The following WDR41 variants were observed in gnomAD, a reference collection of about 807,000 sequenced individuals.
The protein encoded by WDR41 is WD repeat domain 41.
In WDR41, 63 loss-of-function variants were observed where a neutral mutation model predicts 69.3. The ratio of observed to expected loss-of-function variants is 0.91; its 90% CI spans 0.74 to 1.12. WDR41 has a LOEUF of 1.12. WDR41 is among the 50% of genes most tolerant of loss of function. The probability of loss-of-function intolerance (pLI) is 0.00; values close to 1 mark genes in which losing one functional copy is unlikely to be tolerated. For synonymous variants in WDR41, 185 were observed against 192.1 expected, an observed-to-expected ratio of 0.96 and a Z score of 0.31; for missense variants, 543 against 534.5, an observed-to-expected ratio of 1.02 and a Z score of -0.16.
intron 1 of WDR41, among the ~76,000 whole-genome samples, chr5:77,537,956 A>G (rs1403588684): frequency 1.3e-5 from 2 of 152,146 alleles, no homozygotes; most frequent in Non-Finnish European, 2.9e-5. Context: ...GGTTTTATAT[A>G]AACATATGGG....
chr5:77,619,855 G>A (rs879883960), intron 1 of WDR41, among the ~76,000 whole-genome samples: 2 of 152,130 alleles, frequency 1.3e-5, no homozygotes, highest in Admixed American at 6.5e-5. Flanking sequence ...AATGCCAAAA[G>A]GTGCCTCTGT....
chr5:77,459,134 T>C lies in WDR41; in HGVS notation c.349-10A>G, dbSNP rs761904507. 6.4e-7 allele frequency: 1 copy of C among 1,568,776 alleles called. No individual in the cohort carries two copies. Among genetic ancestry groups the C allele is most frequent in the Non-Finnish European group, 8.7e-7 (1 of 1,146,788 alleles). On this transcript the variant is annotated splice_polypyrimidine_tract_variant and intron_variant, in intron 4 of 12. Transcript: ENST00000296679. ...TATCACCATCCCACACCTAAATTTATGTTAAGAAATAATTTCTAAACAGAA... is the reference window on the plus strand; with the variant it reads ...TATCACCATCCCACACCTAAATTTACGTTAAGAAATAATTTCTAAACAGAA...
At chr5:77,492,107 C>A in intron 1 of WDR41, 63 bp downstream of exon 1, 2 of 1,587,228 alleles carry the variant, frequency 1.3e-6, no homozygotes, top group South Asian at 1.1e-5. Context: ...GAAGGCCGAA[C>A]CGGAACGAAG....
intron 7 of WDR41, among the ~76,000 whole-genome samples, chr5:77,450,881 A>G (rs1581706754): frequency 6.6e-6 from 1 of 152,290 alleles, no homozygotes; most frequent in African/African-American, 2.4e-5. Context: ...ACCAAACTAC[A>G]AATCTCTATC....
intron 8 of WDR41, among the ~76,000 whole-genome samples, chr5:77,443,800 T>A (rs192096983): frequency 6.6e-6 from 1 of 151,586 alleles, no homozygotes; most frequent in East Asian, 1.9e-4. Flanking sequence ...GATACCTCCA[T>A]GCAGTAGAAA....
intron 12 of WDR41, among the ~76,000 whole-genome samples, chr5:77,434,739 AG>A (rs1798874218): frequency 6.6e-6 from 1 of 152,114 alleles, no homozygotes; most frequent in South Asian, 2.1e-4. Context: ...GACACTGCAA[AG>A]ATAGCCTAGA....
intron 2 of WDR41, among the ~76,000 whole-genome samples, chr5:77,484,428 G>A (rs1801419446): frequency 6.6e-6 from 1 of 152,076 alleles, no homozygotes; most frequent in African/African-American, 2.4e-5. Flanking sequence ...AAGCTATTTG[G>A]TTAACAGATT....
In WDR41 at chr5:77,442,753, G is replaced by A. The variant is rs184035817; in HGVS notation, c.698-1756C>T. 3.6e-3 allele frequency among the ~76,000 whole-genome samples: 543 copies of A among 151,580 alleles called. 3 individuals are homozygous for A. The highest frequency in any genetic ancestry group is 0.012 in the African/African-American group (501 of 41,298). On this transcript the variant is annotated intron_variant, in intron 8 of 12. Coordinates refer to ENST00000296679, the MANE Select transcript of WDR41 (RefSeq NM_018268.4). ...TAAAAATACAAAAAATTAGGTGGGC[G>A]TGGTGGTGGGCGCCTGTAGTCCCAG... is the stretch of plus-strand genomic sequence containing the variant.
intron 2 of WDR41, among the ~76,000 whole-genome samples, chr5:77,475,746 C>G (rs1411708390): frequency 2.0e-5 from 3 of 152,114 alleles, no homozygotes; most frequent in Non-Finnish European, 4.4e-5. Flanking sequence ...AAACTGGAAA[C>G]TCTAAAAAGC....
At chr5:77,557,236 A>G (rs1585392) in intron 1 of WDR41, among the ~76,000 whole-genome samples, 23,775 of 152,128 alleles carry the variant, frequency 0.16, 2,933 homozygotes, top group African/African-American at 0.33. Flanking sequence ...TAACTCTAGT[A>G]TATTAAAGTT....
intron 1 of WDR41, among the ~76,000 whole-genome samples, chr5:77,506,972 A>G (rs1802118054): frequency 6.6e-6 from 1 of 152,212 alleles, no homozygotes; most frequent in Admixed American, 6.5e-5. Context: ...CCAACATGGC[A>G]CATGTATACC....
intron 1 of WDR41, among the ~76,000 whole-genome samples, chr5:77,570,406 A>G (rs1403378500): frequency 6.6e-6 from 1 of 151,238 alleles, no homozygotes; most frequent in African/African-American, 2.4e-5. Flanking sequence ...AGTTAGGAAC[A>G]GTTGCTTACA....
In WDR41 at chr5:77,451,354, C is replaced by T. The variant is rs762434002; in HGVS notation, c.524-1G>A. The T allele has an allele frequency of 2.5e-6, 4 of 1,612,592 alleles. No individual in the cohort carries two copies. Among genetic ancestry groups the T allele is most frequent in the African/African-American group, 2.7e-5 (2 of 74,860 alleles). On this transcript the variant is annotated splice_acceptor_variant, in intron 6 of 12. Transcript: ENST00000296679. LOFTEE classifies it high-confidence loss of function. ...GGTATTTCAACCAAAGCACTAATACCTCCAAAAACATATAAAACAAAGTTC... is the reference window on the plus strand; with the variant it reads ...GGTATTTCAACCAAAGCACTAATACTTCCAAAAACATATAAAACAAAGTTC...
At chr5:77,493,248 A>G (rs1801882080), upstream of WDR41, among the ~76,000 whole-genome samples, 2 of 152,224 alleles carry the variant, frequency 1.3e-5, no homozygotes, top group African/African-American at 4.8e-5. Context: ...TATACATATC[A>G]TGTTTGCAAA....
rs763000294 is a variant in WDR41 at position 77,432,016 on chromosome 5, G to T, written c.*1119C>A. The T allele has an allele frequency of 7.9e-5, 12 of 152,174 alleles. No homozygotes were observed. The highest frequency in any genetic ancestry group is 1.8e-4 in the Non-Finnish European group (12 of 68,032). 9.4% of individuals were successfully genotyped at this position (152,174 alleles called of 1,614,324 possible). On this transcript the variant is annotated 3_prime_UTR_variant, in exon 13 of 13. Coordinates refer to ENST00000296679, the MANE Select transcript of WDR41 (RefSeq NM_018268.4). ...TAACATTATGCCACTGGTCTACTCA[G>T]ATGACCTTAACTCTTCCAGTCTTTG...
chr5:77,496,598 C>A (rs1458800866), upstream of WDR41, among the ~76,000 whole-genome samples: 3 of 151,936 alleles, frequency 2.0e-5, no homozygotes, highest in Admixed American at 2.0e-4. Flanking sequence ...CAAAACATTG[C>A]TGAAAGAAAT....
intron 1 of WDR41, among the ~76,000 whole-genome samples, chr5:77,517,699 GAATAAATTCACAAATAC>G (rs1299252355): frequency 1.3e-5 from 2 of 150,474 alleles, no homozygotes; most frequent in African/African-American, 4.9e-5. Context: ...AAAAGGATGT[GAATAAATTCACAAATAC>G]AATAATGAGC....
At chr5:77,506,321 A>G (rs754649423) in intron 1 of WDR41, among the ~76,000 whole-genome samples, 8 of 152,236 alleles carry the variant, frequency 5.3e-5, no homozygotes, top group Non-Finnish European at 1.0e-4. Context: ...AGAAATTCAA[A>G]TCAAAACCAC....
chr5:77,528,982 T>C (rs548159180), intron 1 of WDR41, among the ~76,000 whole-genome samples: 1 of 151,642 alleles, frequency 6.6e-6, no homozygotes, highest in Admixed American at 6.6e-5. Flanking sequence ...GAGATAAGAA[T>C]GCCCACTGTC....
Sources: gnomAD v4.1 joint callset for allele counts (sites outside exome capture counted in the v4.1 genomes callset) on GRCh38, gnomAD v4.1.1 for gene constraint, MANE v1.5 for transcripts, NCBI Gene and HGNC (gene_info 2026-07-23, HGNC 2026-07-21) for gene names.